RADX: variants seen among roughly 807,000 people sequenced by gnomAD.
RADX encodes RPA1 related single stranded DNA binding protein, X-linked, also known as RPA-related protein RADX.
Under a neutral mutation model 61.6 loss-of-function variants are expected in RADX, and 36 were observed. That is an observed-to-expected ratio of 0.58 (90% CI 0.45 to 0.77). RADX has a LOEUF of 0.77. Ranked by LOEUF, RADX falls within the 30% of genes least tolerant of loss-of-function variation. The probability of loss-of-function intolerance (pLI) is 0.00; values close to 1 mark genes in which losing one functional copy is unlikely to be tolerated. For missense variants in RADX, 497 were observed against 651.1 expected (o/e 0.76, Z 2.58); for synonymous variants, 272 against 237.9 (o/e 1.14, Z -1.32).
At chrX:106,675,022 CA>C (rs10715478) in intron 13 of RADX, among the ~76,000 whole-genome samples, 10,008 of 79,858 alleles carry the variant, frequency 0.13, 1,421 homozygotes, top group African/African-American at 0.4. Context: ...GACTCCATCT[CA>C]AAAAAAAAAA....
In RADX at chrX:106,678,176, G is replaced by T; in HGVS notation, c.2486G>T (p.Gly829Val). 1 of 1,173,914 alleles carries T rather than the reference G, an allele frequency of 8.5e-7. No homozygotes were observed. The highest frequency in any genetic ancestry group is 1.2e-6 in the Non-Finnish European group (1 of 861,420). ...GAACTGGATAGAGTGCATATCGTCGGTATCTTGGATATCTGTAATTTGGGT... is the reference window on the plus strand; with the variant it reads ...GAACTGGATAGAGTGCATATCGTCGTTATCTTGGATATCTGTAATTTGGGT... ...ATELDRVHIV[G>V]ILDICNLGNN... Residue 829 changes from glycine (G) to valine (V), a missense_variant, in exon 14 of 14, where the codon GGT becomes GTT. Physicochemically the swap from Gly to Val is moderately radical, Grantham distance 109. Around this residue, in one of 3 missense-constraint regions of RADX, gnomAD observed 267 missense variants for 306.9 expected, o/e 0.87. Transcript: ENST00000372548.
At chrX:106,636,373 C>A (rs751793804) in intron 6 of RADX, among the ~76,000 whole-genome samples, 170 bp from the exon 7 acceptor site, 7 of 111,995 alleles carry the variant, frequency 6.3e-5, no homozygotes, top group African/African-American at 2.3e-4. Flanking sequence ...ATTAGAAATG[C>A]AGAATCTCAG....
intron 1 of RADX, among the ~76,000 whole-genome samples, chrX:106,622,269 A>G (rs1381952910): frequency 9.0e-6 from 1 of 111,000 alleles, no homozygotes; most frequent in Non-Finnish European, 1.9e-5. Context: ...ATAAGTGCTT[A>G]GTAATGGGAA....
chrX:106,674,731 G>C (rs898059816), intron 13 of RADX, among the ~76,000 whole-genome samples: 6 of 111,986 alleles, frequency 5.4e-5, no homozygotes, highest in Admixed American at 1.9e-4. Context: ...TAAAGAATGA[G>C]ATAGGGATCT....
At chrX:106,668,534 A>G (rs5962715) in intron 12 of RADX, among the ~76,000 whole-genome samples, 12,163 of 111,188 alleles carry the variant, frequency 0.11, 1,639 homozygotes, top group African/African-American at 0.38. Flanking sequence ...CATAGCTAGA[A>G]TTCTTTTCTT....
In RADX at chrX:106,678,239, G is replaced by A. The variant is rs754278508; in HGVS notation, c.2549G>A (p.Ser850Asn). ...KVEVYLHKIY[S>N]PENTS ...GAAGTCTATTTGCACAAGATTTATA[G>A]TCCAGAGAATACTTCTTAAAAGTTA... Residue 850 changes from serine to asparagine, a missense_variant, in exon 14 of 14, where the codon AGT becomes AAT. Coordinates refer to ENST00000372548, the MANE Select transcript of RADX (RefSeq NM_018015.6). 4 of 1,163,397 alleles carry A rather than the reference G, an allele frequency of 3.4e-6. No individual in the cohort carries two copies. In the Admixed American group the frequency reaches 8.8e-5, roughly 25 times the overall value.
intron 3 of RADX, among the ~76,000 whole-genome samples, chrX:106,628,024 C>CGAGGT (rs1927115531): frequency 9.0e-6 from 1 of 110,679 alleles, no homozygotes. Flanking sequence ...TTAGTAGAGA[C>CGAGGT]GAGGTTTCAC....
intron 1 of RADX, among the ~76,000 whole-genome samples, chrX:106,617,106 T>C (rs1231175287): frequency 1.0e-5 from 1 of 96,527 alleles, no homozygotes; most frequent in Non-Finnish European, 2.0e-5. Flanking sequence ...CACTGCAACC[T>C]TCGCCTCCCG....
chrX:106,620,856 T>A (rs182811463), intron 1 of RADX, among the ~76,000 whole-genome samples: 1 of 112,292 alleles, frequency 8.9e-6, no homozygotes, highest in African/African-American at 3.2e-5. Context: ...AAATTCTTCA[T>A]TGTCTGTAAA....
intron 1 of RADX, among the ~76,000 whole-genome samples, chrX:106,621,413 G>A: frequency 8.9e-6 from 1 of 111,982 alleles, no homozygotes; most frequent in East Asian, 2.8e-4. Context: ...GGGACCCTTA[G>A]CAAAAGAAAT....
chrX:106,678,907 G>C lies in RADX; in HGVS notation c.*649G>C, dbSNP rs1928577423. ...TTTTAACCAGTGTGTTGATGTTAAAGTCAAAGGCTGCAGTATGTCTATATT... is the reference window on the plus strand; with the variant it reads ...TTTTAACCAGTGTGTTGATGTTAAACTCAAAGGCTGCAGTATGTCTATATT... On this transcript the variant is annotated 3_prime_UTR_variant, in exon 14 of 14. Transcript: ENST00000372548. 8.9e-6 allele frequency: 1 copy of C among 112,344 alleles called. No homozygotes were observed. 9.3% of individuals were successfully genotyped at this position (112,344 alleles called of 1,213,427 possible).
chrX:106,632,556 A>T, intron 3 of RADX, 69 bp from the exon 4 acceptor site: 1 of 708,586 alleles, frequency 1.4e-6, no homozygotes, highest in Non-Finnish European at 2.1e-6. Context: ...TTTGCTTTTT[A>T]ATATATATTC....
intron 3 of RADX, among the ~76,000 whole-genome samples, chrX:106,632,119 A>G (rs1306884382): frequency 8.9e-6 from 1 of 112,127 alleles, no homozygotes; most frequent in Non-Finnish European, 1.9e-5. Flanking sequence ...TATAATAGTA[A>G]AAACCTGGAA....
intron 13 of RADX, among the ~76,000 whole-genome samples, chrX:106,676,314 T>C (rs139325311): frequency 2.8e-3 from 314 of 112,498 alleles, no homozygotes; most frequent in African/African-American, 9.7e-3. Context: ...GTGACGCTAA[T>C]GTAGCCTAAA....
intron 13 of RADX, among the ~76,000 whole-genome samples, chrX:106,675,717 A>G (rs139010086): frequency 0.01 from 1,179 of 112,531 alleles, 37 homozygotes; most frequent in Admixed American, 0.093. Flanking sequence ...CTAAAAATGT[A>G]TAATTTTTGT....
At chrX:106,632,508 T>G in intron 3 of RADX, 117 bp from the exon 4 acceptor site, 1 of 395,670 alleles carries the variant, frequency 2.5e-6, no homozygotes, top group Non-Finnish European at 4.4e-6. Context: ...GTCTAGTTCT[T>G]GAGTTTAGTG....
chrX:106,634,596 G>A (rs1020344788), intron 6 of RADX, among the ~76,000 whole-genome samples: 7 of 111,373 alleles, frequency 6.3e-5, no homozygotes, highest in Non-Finnish European at 1.3e-4. Flanking sequence ...AGGCTTGTGA[G>A]ATTAAATTTT....
At chrX:106,617,982 A>C (rs1280192196) in intron 1 of RADX, among the ~76,000 whole-genome samples, 1 of 112,404 alleles carries the variant, frequency 8.9e-6, no homozygotes, top group Non-Finnish European at 1.9e-5. Flanking sequence ...CCAAAACTTA[A>C]AGAAATTATT....
At chrX:106,667,434 T>C (rs965949218) in intron 12 of RADX, among the ~76,000 whole-genome samples, 1 of 110,602 alleles carries the variant, frequency 9.0e-6, no homozygotes, top group African/African-American at 3.3e-5. Context: ...CTCCCACCTC[T>C]GCCTCCCAAG....
Sources: gnomAD v4.1 joint callset for allele counts (sites outside exome capture counted in the v4.1 genomes callset) on GRCh38, gnomAD v4.1.1 for gene constraint, gnomAD v4.1.1 regional missense constraint, MANE v1.5 for transcripts, NCBI Gene and HGNC (gene_info 2026-07-23, HGNC 2026-07-21) for gene names.